Variants in FER1L6 observed in about 807,000 individuals in gnomAD.
FER1L6 encodes the protein fer-1-like protein 6.
In FER1L6, 177 loss-of-function variants were observed where a neutral mutation model predicts 219.2. The ratio of observed to expected loss-of-function variants is 0.81; its 90% CI spans 0.71 to 0.91. The LOEUF (loss-of-function observed/expected upper bound fraction) is 0.91, where lower values mean the gene tolerates loss of function less well. Among genes scored for constraint, FER1L6 ranks in the 40% least tolerant of loss-of-function variants. FER1L6 has a pLI of 0.00. For missense variants in FER1L6, 2,153 were observed against 2,259.9 expected (o/e 0.95, Z 0.96); for synonymous variants, 768 against 824.3 (o/e 0.93, Z 1.17).
chr8:123,877,830 AG>A (rs1169794892), intron 1 of FER1L6, among the ~76,000 whole-genome samples: 1 of 151,804 alleles, frequency 6.6e-6, no homozygotes, highest in African/African-American at 2.4e-5. Context: ...TCCCTATAAA[AG>A]CTTTTATCAC....
intron 18 of FER1L6, among the ~76,000 whole-genome samples, chr8:124,029,890 G>A (rs761113114): frequency 3.6e-4 from 55 of 152,048 alleles, no homozygotes; most frequent in Non-Finnish European, 6.5e-4. Context: ...GGATTTTTAT[G>A]GTTTTGGGTT....
chr8:123,925,347 G>A (rs1813522756), intron 1 of FER1L6, among the ~76,000 whole-genome samples: 2 of 152,180 alleles, frequency 1.3e-5, no homozygotes, highest in African/African-American at 2.4e-5. Context: ...ATTCCAAGTA[G>A]CAGGATAGAA....
intron 2 of FER1L6, among the ~76,000 whole-genome samples, chr8:123,962,111 G>A (rs563223698): frequency 1.3e-5 from 2 of 151,980 alleles, no homozygotes; most frequent in South Asian, 2.1e-4. Flanking sequence ...GGATGGTCTC[G>A]ATATCTTGAC....
chr8:124,046,132 T>C lies in FER1L6; in HGVS notation c.2724+231T>C, dbSNP rs1195352537. The C allele has an allele frequency of 6.6e-6, 3 of 454,010 alleles. No homozygotes were observed. The East Asian group carries it at 1.1e-4, about 17-fold the overall frequency. The allele number at this position is 454,010 out of a possible 1,614,324, so 28.1% of individuals were successfully genotyped here. ...CACTGACTTCCATTTAAATGGCAAT[T>C]AAAATTGGATCTGGTTTACAGAACG... On this transcript the variant is annotated intron_variant, in intron 21 of 40. Transcript: ENST00000522917.
At chr8:123,938,388 G>A (rs1490656240) in intron 1 of FER1L6, among the ~76,000 whole-genome samples, 1 of 152,110 alleles carries the variant, frequency 6.6e-6, no homozygotes, top group Non-Finnish European at 1.5e-5. Flanking sequence ...ATCATGAATG[G>A]GAGTTGAGGT....
intron 13 of FER1L6, among the ~76,000 whole-genome samples, chr8:124,005,083 A>C (rs1817598617): frequency 6.6e-6 from 1 of 152,182 alleles, no homozygotes; most frequent in African/African-American, 2.4e-5. Flanking sequence ...ACAGTTCTTA[A>C]GTATTTCTCA....
intron 22 of FER1L6, among the ~76,000 whole-genome samples, chr8:124,056,779 C>T (rs577816759): frequency 2.0e-5 from 3 of 152,308 alleles, no homozygotes; most frequent in Admixed American, 6.5e-5. Flanking sequence ...GGCACAGTGG[C>T]TCACACCTGT....
chr8:123,882,910 C>G (rs1817135185), intron 1 of FER1L6, among the ~76,000 whole-genome samples: 1 of 152,054 alleles, frequency 6.6e-6, no homozygotes, highest in Non-Finnish European at 1.5e-5. Context: ...AATGCAGGTT[C>G]ATTGATTGTT....
chr8:123,931,065 A>G (rs1408107499), intron 1 of FER1L6, among the ~76,000 whole-genome samples: 1 of 152,200 alleles, frequency 6.6e-6, no homozygotes, highest in South Asian at 2.1e-4. Flanking sequence ...TAGAGTTGTC[A>G]AGAGACCCCA....
intron 39 of FER1L6, among the ~76,000 whole-genome samples, chr8:124,109,560 C>A (rs964078805): frequency 1.3e-5 from 2 of 152,258 alleles, no homozygotes; most frequent in Non-Finnish European, 2.9e-5. Flanking sequence ...CTCCCATACC[C>A]TTACTAGCTG....
intron 22 of FER1L6, among the ~76,000 whole-genome samples, chr8:124,054,758 T>C (rs1238241156): frequency 6.6e-6 from 1 of 151,972 alleles, no homozygotes; most frequent in Admixed American, 6.6e-5. Context: ...AATGGACAAA[T>C]GACAGGAAGC....
At chr8:123,918,998 G>A (rs897634177) in intron 1 of FER1L6, among the ~76,000 whole-genome samples, 4 of 152,176 alleles carry the variant, frequency 2.6e-5, no homozygotes, top group African/African-American at 9.7e-5. Context: ...CAGAGTGGAT[G>A]GCTCCAGTGG....
rs1169350073 is a variant in FER1L6 at position 123,986,148 on chromosome 8, T to C, written c.1491T>C (p.Asp497=). ...EATMIDRKIG[D]KPISFEVSIG... The stretch of plus-strand genomic sequence containing the variant: ...CCATGATTGACCGGAAGATTGGAGA[T>C]AAACCCATCAGCTTTGAAGTTTCTA... Residue 497 remains aspartate (D), a synonymous_variant, in exon 12 of 41, where the codon GAT becomes GAC. Coordinates refer to ENST00000522917, the MANE Select transcript of FER1L6 (RefSeq NM_001039112.2). 6.8e-6 allele frequency: 11 copies of C among 1,612,486 alleles called. No homozygotes were observed. Among genetic ancestry groups the C allele is most frequent in the Non-Finnish European group, 9.3e-6 (11 of 1,178,620 alleles).
chr8:123,859,028 T>C (rs1365896275), intron 1 of FER1L6, among the ~76,000 whole-genome samples: 1 of 151,394 alleles, frequency 6.6e-6, no homozygotes, highest in Admixed American at 6.6e-5. Flanking sequence ...TGAGACGGAG[T>C]CTCATTCTGT....
chr8:124,118,570 G>A (rs188484441), intron 39 of FER1L6, among the ~76,000 whole-genome samples: 83 of 152,332 alleles, frequency 5.4e-4, no homozygotes, highest in African/African-American at 1.9e-3. Context: ...TACAAGAAGA[G>A]TAGTACATGT....
intron 18 of FER1L6, among the ~76,000 whole-genome samples, chr8:124,034,649 G>C (rs1336965623): frequency 6.6e-6 from 1 of 152,254 alleles, no homozygotes; most frequent in Non-Finnish European, 1.5e-5. Context: ...GCATGAGGAA[G>C]CGGTGAAGGT....
At chr8:124,107,110 A>G (rs939707643) in intron 39 of FER1L6, among the ~76,000 whole-genome samples, 1 of 151,786 alleles carries the variant, frequency 6.6e-6, no homozygotes, top group Non-Finnish European at 1.5e-5. Context: ...CACCAAGCCC[A>G]GCTAATTTTT....
intron 3 of FER1L6, among the ~76,000 whole-genome samples, chr8:123,963,799 C>T (rs1038853321): frequency 6.6e-6 from 1 of 152,234 alleles, no homozygotes; most frequent in African/African-American, 2.4e-5. Flanking sequence ...TCAAAACAAG[C>T]TGGCCTTCTG....
chr8:123,892,610 G>T (rs576598639), intron 1 of FER1L6, among the ~76,000 whole-genome samples: 121 of 152,082 alleles, frequency 8.0e-4, no homozygotes, highest in Non-Finnish European at 1.6e-3. Flanking sequence ...GATTTAGTTG[G>T]CCTCATGCTA....
Sources: allele counts gnomAD v4.1 joint callset (sites outside exome capture counted in the v4.1 genomes callset), GRCh38; gene constraint gnomAD v4.1.1; transcripts MANE v1.5; gene names NCBI Gene and HGNC (gene_info 2026-07-23, HGNC 2026-07-21).